SMAD4: variants seen among roughly 807,000 people sequenced by gnomAD.
The protein encoded by SMAD4 is MAD homolog 4.
Under a neutral mutation model 63.2 loss-of-function variants are expected in SMAD4, and 7 were observed. The observed-to-expected ratio is 0.11, with a 90% confidence interval of 0.06 to 0.21. The LOEUF is 0.21. Among genes scored for constraint, SMAD4 ranks in the 10% least tolerant of loss-of-function variants. The pLI is 1.00. For missense variants in SMAD4, 312 were observed against 693.8 expected (o/e 0.45, Z 6.18); for synonymous variants, 215 against 235.4 (o/e 0.91, Z 0.79).
chr18:51,045,895 C>T (rs1458775971), intron 1 of SMAD4, among the ~76,000 whole-genome samples: 1 of 152,044 alleles, frequency 6.6e-6, no homozygotes, highest in Non-Finnish European at 1.5e-5. Flanking sequence ...AATGTGTGAC[C>T]TTTTGTCACT....
chr18:51,077,055 G>A, intron 11 of SMAD4: 1 of 229,494 alleles, frequency 4.4e-6, no homozygotes, highest in Non-Finnish European at 8.4e-6. Context: ...TTTTGTTGAT[G>A]CTTATTATAA....
chr18:51,071,222 A>C (rs1481447212), intron 10 of SMAD4, among the ~76,000 whole-genome samples: 1 of 152,042 alleles, frequency 6.6e-6, no homozygotes, highest in African/African-American at 2.4e-5. Flanking sequence ...GCACCCCTGG[A>C]AGGAGTGCCC....
At position 51,081,972 on chromosome 18, in the gene SMAD4, A is replaced by G. The variant is rs1179875615; in HGVS notation, c.*3505A>G. The G allele has an allele frequency of 2.6e-5, 6 of 231,828 alleles. No homozygotes were observed. The highest frequency in any genetic ancestry group is 1.2e-3 in the Middle Eastern group (1 of 804). The allele number at this position is 231,828 out of a possible 1,614,324, so 14.4% of individuals were successfully genotyped here. ...TTTATGCAGAGTCACATTAGTTCAC[A>G]CCCTTTCTGAGAGCCTTTTGGGAGA... On this transcript the variant is annotated 3_prime_UTR_variant, in exon 12 of 12. Coordinates refer to ENST00000342988, the MANE Select transcript of SMAD4 (RefSeq NM_005359.6).
At chr18:51,070,179 G>A (rs1490891126) in intron 10 of SMAD4, among the ~76,000 whole-genome samples, 1 of 152,194 alleles carries the variant, frequency 6.6e-6, no homozygotes, top group Non-Finnish European at 1.5e-5. Flanking sequence ...GTGCCAGATA[G>A]TATTTATAAA....
rs182735651 is a variant in SMAD4, at chr18:51,081,865, A to G, written c.*3398A>G. 1,423 of 232,288 alleles carry G rather than the reference A, an allele frequency of 6.1e-3. 8 individuals are homozygous for G. The highest frequency in any genetic ancestry group is 0.017 in the Middle Eastern group (13 of 784). 14.4% of individuals were successfully genotyped at this position (232,288 alleles called of 1,614,324 possible). A position where few individuals can be genotyped will look rare whatever the true frequency, so the allele number is the denominator to read the frequency against. ...TACATTTTACTATTAATGCTCCTTA[A>G]GTGTCTATGGAGGTTAAAGAATAAA... On this transcript the variant is annotated 3_prime_UTR_variant, in exon 12 of 12. Coordinates refer to ENST00000342988, the MANE Select transcript of SMAD4 (RefSeq NM_005359.6).
chr18:51,059,584 T>G (rs2144432214), intron 7 of SMAD4, among the ~76,000 whole-genome samples: 1 of 152,362 alleles, frequency 6.6e-6, no homozygotes, highest in Non-Finnish European at 1.5e-5. Context: ...AATAATTCAT[T>G]TATGATCTGT....
chr18:51,047,161 G>A lies in SMAD4; in HGVS notation c.115G>A (p.Ala39Thr), dbSNP rs758408642. The A allele has an allele frequency of 6.2e-7, 1 of 1,614,072 alleles. No individual in the cohort carries two copies. Among genetic ancestry groups the A allele is most frequent in the Non-Finnish European group, 8.5e-7 (1 of 1,179,968 alleles). ...AGAGAGTGAAACATTTGCAAAAAGAGCAATTGAAAGTTTGGTAAAGAAGCT... is the reference window on the plus strand; with the variant it reads ...AGAGAGTGAAACATTTGCAAAAAGAACAATTGAAAGTTTGGTAAAGAAGCT... ...GGESETFAKR[A>T]IESLVKKLKE... is the part of the protein sequence containing the mutation. Residue 39 changes from alanine (A) to threonine (T), a missense_variant, in exon 2 of 12, where the codon GCA (alanine) becomes ACA (threonine). By Grantham distance (58) the Ala-to-Thr change is moderately conservative. Around this residue, in one of 4 missense-constraint regions of SMAD4, gnomAD observed 37 missense variants for 87.3 expected, o/e 0.42. Transcript: ENST00000342988.
chr18:51,040,735 C>T (rs1909352394), intron 1 of SMAD4, among the ~76,000 whole-genome samples: 1 of 152,198 alleles, frequency 6.6e-6, no homozygotes, highest in African/African-American at 2.4e-5. Context: ...TGACAGCTTA[C>T]AATTAATAGC....
In SMAD4 at chr18:51,054,932, C is replaced by G. The variant is rs780665234; in HGVS notation, c.606C>G (p.Ala202=). ...CATACAGCACCCCAGCTCTGTTAGC[C>G]CCATCTGAGTCTAATGCTACCAGCA... is the stretch of plus-strand genomic sequence containing the variant. The part of the protein sequence containing the change: ...TETYSTPALL[A]PSESNATSTA... The change falls in exon 5 of 12, where the codon GCC becomes GCG. Residue 202 remains alanine (A), a synonymous_variant. Transcript: ENST00000342988. The G allele has an allele frequency of 1.2e-5, 20 of 1,613,992 alleles. No homozygotes were observed. The Admixed American group carries it at 2.7e-4, about 22-fold the overall frequency.
intron 10 of SMAD4, among the ~76,000 whole-genome samples, chr18:51,071,764 T>G (rs1005683589): frequency 7.9e-5 from 12 of 152,192 alleles, no homozygotes; most frequent in African/African-American, 2.9e-4. Flanking sequence ...ATATACCCTT[T>G]TAACTATCAC....
rs888167805 is a variant in SMAD4 at position 51,078,824 on chromosome 18, A to G, written c.*357A>G. 7.6e-6 allele frequency: 2 copies of G among 264,558 alleles called. No individual in the cohort carries two copies. The highest frequency in any genetic ancestry group is 4.3e-5 in the African/African-American group (2 of 46,386). The allele number at this position is 264,558 out of a possible 1,614,324, so 16.4% of individuals were successfully genotyped here. ...ATCGATATGTATATCATTCTACAGAATAATCCAGTATTGCTGATTTTAAAG... is the reference window on the plus strand; with the variant it reads ...ATCGATATGTATATCATTCTACAGAGTAATCCAGTATTGCTGATTTTAAAG... On this transcript the variant is annotated 3_prime_UTR_variant, in exon 12 of 12. Coordinates refer to ENST00000342988, the MANE Select transcript of SMAD4 (RefSeq NM_005359.6).
chr18:51,055,101 A>G, intron 5 of SMAD4, 108 bp downstream of exon 5: 1 of 831,088 alleles, frequency 1.2e-6, no homozygotes, highest in African/African-American at 1.7e-5. Context: ...ATTAAAAGTA[A>G]CTGTAGTATC....
chr18:51,066,150 G>A (rs1314201984), intron 9 of SMAD4, among the ~76,000 whole-genome samples: 1 of 151,912 alleles, frequency 6.6e-6, no homozygotes, highest in Non-Finnish European at 1.5e-5. Context: ...TCAGGAGTTC[G>A]AGACCAGCCT....
chr18:51,036,159 G>A (rs1311997364), intron 1 of SMAD4, among the ~76,000 whole-genome samples: 1 of 151,910 alleles, frequency 6.6e-6, no homozygotes, highest in African/African-American at 2.4e-5. Context: ...AAACTGTTTT[G>A]TAGAAATGGG....
intron 5 of SMAD4, among the ~76,000 whole-genome samples, chr18:51,057,247 A>G (rs965541584): frequency 8.5e-5 from 13 of 152,204 alleles, no homozygotes; most frequent in African/African-American, 2.9e-4. Flanking sequence ...ATAAATAATT[A>G]TAACTTTAGT....
At chr18:51,057,184 T>C (rs1909868403) in intron 5 of SMAD4, among the ~76,000 whole-genome samples, 1 of 152,194 alleles carries the variant, frequency 6.6e-6, no homozygotes, top group African/African-American at 2.4e-5. Context: ...GACATGTTAC[T>C]CTCTTCCATC....
chr18:51,066,702 C>T, intron 9 of SMAD4: 1 of 278,154 alleles, frequency 3.6e-6, no homozygotes. Context: ...TGGCTAGTGG[C>T]TATCAATTTG....
intron 1 of SMAD4, among the ~76,000 whole-genome samples, chr18:51,035,120 A>G (rs1218707996): frequency 6.6e-6 from 1 of 152,008 alleles, no homozygotes; most frequent in Admixed American, 6.5e-5. Context: ...GTATTGCCAC[A>G]TTTGCTTTGC....
Position 51,081,923 on chromosome 18 carries a change from A to G in SMAD4, c.*3456A>G, listed in dbSNP as rs1910621074. ...ATGTTTCTGTGCCTGGTTTGATGGTAACTGGTTAATAGTTACTCACCATTT... is the reference window on the plus strand; with the variant it reads ...ATGTTTCTGTGCCTGGTTTGATGGTGACTGGTTAATAGTTACTCACCATTT... On this transcript the variant is annotated 3_prime_UTR_variant, in exon 12 of 12. Transcript: ENST00000342988. The G allele has an allele frequency of 4.3e-5, 10 of 232,058 alleles. No individual in the cohort carries two copies. The East Asian group carries it at 6.1e-4, about 14-fold the overall frequency. 14.4% of individuals were successfully genotyped at this position (232,058 alleles called of 1,614,324 possible). A position where few individuals can be genotyped will look rare whatever the true frequency, so the allele number is the denominator to read the frequency against.
Sources: gnomAD v4.1 joint callset for allele counts (sites outside exome capture counted in the v4.1 genomes callset) on GRCh38, gnomAD v4.1.1 for gene constraint, gnomAD v4.1.1 regional missense constraint, MANE v1.5 for transcripts, NCBI Gene and HGNC (gene_info 2026-07-23, HGNC 2026-07-21) for gene names.